Variants in HS6ST3 observed in about 807,000 individuals in gnomAD.
HS6ST3 encodes the protein heparan-sulfate 6-O-sulfotransferase 3.
A neutral mutation model predicts 36.7 loss-of-function variants in HS6ST3; 12 were observed. The observed-to-expected ratio is 0.33, with a 90% CI of 0.21 to 0.53. HS6ST3 has a LOEUF of 0.53. Among genes scored for constraint, HS6ST3 ranks in the 20% least tolerant of loss-of-function variants. The pLI is 0.95. For missense variants in HS6ST3, 584 were observed against 640.9 expected (o/e 0.91, Z 0.96); for synonymous variants, 240 against 257.5 (o/e 0.93, Z 0.65).
At position 96,091,125 on chromosome 13, in the gene HS6ST3, C is replaced by T. The variant is rs1566879554; in HGVS notation, c.263C>T (p.Pro88Leu). Residue 88 changes from proline (P) to leucine (L), a missense_variant, in exon 1 of 2, where the codon CCG (proline) becomes CTG (leucine). By Grantham distance (98) the Pro-to-Leu change is moderately conservative. Transcript: ENST00000376705. ...GAGGGACCTCGGGGGGCCGCGGCGCCGGAGGAGGAGGACGAGGAGCCCGGA... is the reference window on the plus strand; with the variant it reads ...GAGGGACCTCGGGGGGCCGCGGCGCTGGAGGAGGAGGACGAGGAGCCCGGA... ...PPEGPRGAAA[P>L]EEEDEEPGDP... 1.4e-6 allele frequency: 2 copies of T among 1,444,498 alleles called. No homozygotes were observed. The highest frequency in any genetic ancestry group is 1.8e-6 in the Non-Finnish European group (2 of 1,102,618). The allele number at this position is 1,444,498 out of a possible 1,614,324, so 89.5% of individuals were successfully genotyped here.
intron 1 of HS6ST3, among the ~76,000 whole-genome samples, chr13:96,328,911 G>T (rs565517451): frequency 6.6e-6 from 1 of 151,956 alleles, no homozygotes; most frequent in Admixed American, 6.6e-5. Flanking sequence ...TAGTCTTGGG[G>T]GAGTGTATGT....
At chr13:96,381,863 C>T (rs373801208) in intron 1 of HS6ST3, among the ~76,000 whole-genome samples, 5 of 152,056 alleles carry the variant, frequency 3.3e-5, no homozygotes, top group African/African-American at 1.2e-4. Context: ...ATTAGACAGG[C>T]GAGATTAACA....
At chr13:96,301,138 C>T (rs933471854) in intron 1 of HS6ST3, among the ~76,000 whole-genome samples, 2 of 152,174 alleles carry the variant, frequency 1.3e-5, no homozygotes, top group Admixed American at 1.3e-4. Flanking sequence ...ACCCACATTG[C>T]ATTGGAAATA....
chr13:96,591,881 GT>G (rs140763770), intron 1 of HS6ST3, among the ~76,000 whole-genome samples: 443 of 147,506 alleles, frequency 3.0e-3, no homozygotes, highest in African/African-American at 4.8e-3. Flanking sequence ...TCTATACCCA[GT>G]TTTTTTTTTA....
At chr13:96,210,374 G>A (rs941996936) in intron 1 of HS6ST3, among the ~76,000 whole-genome samples, 3 of 152,120 alleles carry the variant, frequency 2.0e-5, no homozygotes, top group Non-Finnish European at 2.9e-5. Context: ...CTCCCCTCTC[G>A]CCACTGTAGA....
intron 1 of HS6ST3, among the ~76,000 whole-genome samples, chr13:96,168,011 A>G (rs2054169373): frequency 6.6e-6 from 1 of 152,232 alleles, no homozygotes. Flanking sequence ...TTCAAAGAAT[A>G]ACTGACAAAA....
intron 1 of HS6ST3, among the ~76,000 whole-genome samples, chr13:96,360,313 CA>C (rs10712847): frequency 0.86 from 129,438 of 151,368 alleles, 55,633 homozygotes; most frequent in South Asian, 0.91. Flanking sequence ...GAGCTACTGA[CA>C]AAAAAAAATA....
At chr13:96,275,536 T>G (rs76592559) in intron 1 of HS6ST3, among the ~76,000 whole-genome samples, 4,100 of 152,254 alleles carry the variant, frequency 0.027, 201 homozygotes, top group African/African-American at 0.095. Flanking sequence ...CTATAGAAAT[T>G]TCTAATCACA....
chr13:96,831,869 C>T (rs1176513081), intron 1 of HS6ST3, among the ~76,000 whole-genome samples: 1 of 142,460 alleles, frequency 7.0e-6, no homozygotes, highest in Non-Finnish European at 1.5e-5. Flanking sequence ...GCAGGAGAAT[C>T]GCTTGAACCC....
At chr13:96,518,642 A>T (rs1030502804) in intron 1 of HS6ST3, among the ~76,000 whole-genome samples, 1 of 152,180 alleles carries the variant, frequency 6.6e-6, no homozygotes, top group African/African-American at 2.4e-5. Flanking sequence ...ATACATAATT[A>T]TATGTGCTAT....
intron 1 of HS6ST3, among the ~76,000 whole-genome samples, chr13:96,114,015 A>G (rs929748067): frequency 6.6e-6 from 1 of 152,156 alleles, no homozygotes; most frequent in Non-Finnish European, 1.5e-5. Context: ...AAGAAGACAC[A>G]AAATAGTATC....
chr13:96,779,708 G>A (rs1299399852), intron 1 of HS6ST3, among the ~76,000 whole-genome samples: 2 of 151,110 alleles, frequency 1.3e-5, no homozygotes, highest in African/African-American at 4.9e-5. Context: ...TGAACATGGT[G>A]AGACAACTCA....
Position 96,833,416 on chromosome 13 carries a change from G to A in HS6ST3, c.*218G>A. The A allele has an allele frequency of 1.9e-6, 1 of 535,314 alleles. No homozygotes were observed. Among genetic ancestry groups the A allele is most frequent in the East Asian group, 3.1e-5 (1 of 32,184 alleles). 33.2% of individuals were successfully genotyped at this position (535,314 alleles called of 1,614,324 possible). On this transcript the variant is annotated 3_prime_UTR_variant, in exon 2 of 2. Transcript: ENST00000376705. ...TTTTGCAATTGGTGATATTAAGTAGGGTAGGAGTGCATCCCATATAGGCCA... is the reference window on the plus strand; with the variant it reads ...TTTTGCAATTGGTGATATTAAGTAGAGTAGGAGTGCATCCCATATAGGCCA...
intron 1 of HS6ST3, among the ~76,000 whole-genome samples, chr13:96,252,399 C>G (rs531783495): frequency 2.2e-4 from 33 of 152,306 alleles, no homozygotes; most frequent in African/African-American, 7.9e-4. Flanking sequence ...CTTGGGGTCT[C>G]TTCGACCTTT....
chr13:96,378,080 G>A (rs1405744101), intron 1 of HS6ST3, among the ~76,000 whole-genome samples: 1 of 152,168 alleles, frequency 6.6e-6, no homozygotes, highest in Non-Finnish European at 1.5e-5. Flanking sequence ...CAGTATTGGG[G>A]AAGGTTAAAA....
chr13:96,811,256 C>T (rs1308034274), intron 1 of HS6ST3, among the ~76,000 whole-genome samples: 2 of 152,180 alleles, frequency 1.3e-5, no homozygotes, highest in African/African-American at 4.8e-5. Context: ...GGAGCCCGTG[C>T]CACCTCGCCT....
rs1878861739 is a variant in HS6ST3 at position 96,833,765 on chromosome 13, G to A, written c.*567G>A. 6.6e-6 allele frequency: 1 copy of A among 152,470 alleles called. No homozygotes were observed. Among genetic ancestry groups the A allele is most frequent in the African/African-American group, 2.4e-5 (1 of 41,448 alleles). 9.4% of individuals were successfully genotyped at this position (152,470 alleles called of 1,614,324 possible). A position where few individuals can be genotyped will look rare whatever the true frequency, so the allele number is the denominator to read the frequency against. On this transcript the variant is annotated 3_prime_UTR_variant, in exon 2 of 2. Coordinates refer to ENST00000376705, the MANE Select transcript of HS6ST3 (RefSeq NM_153456.4). The stretch of plus-strand genomic sequence containing the variant: ...ACAAGTAACGTGTTTTGTTGTTGCA[G>A]TTGTTTTGAAACAAAATTATCCTAT...
intron 1 of HS6ST3, among the ~76,000 whole-genome samples, chr13:96,347,559 A>G (rs1222797851): frequency 6.6e-6 from 1 of 152,376 alleles, no homozygotes; most frequent in East Asian, 1.9e-4. Context: ...TTTGAAATAT[A>G]TAATAAATTC....
chr13:96,436,355 T>C (rs1257398279), intron 1 of HS6ST3, among the ~76,000 whole-genome samples: 2 of 152,214 alleles, frequency 1.3e-5, no homozygotes, highest in African/African-American at 4.8e-5. Flanking sequence ...AAATCCATAT[T>C]TTAAAAGTTG....
Sources: allele counts gnomAD v4.1 joint callset (sites outside exome capture counted in the v4.1 genomes callset), GRCh38; gene constraint gnomAD v4.1.1; transcripts MANE v1.5; gene names NCBI Gene and HGNC (gene_info 2026-07-23, HGNC 2026-07-21).